JAK1: variants seen among roughly 807,000 people sequenced by gnomAD.
The protein encoded by JAK1 is Janus kinase 1, also known as tyrosine-protein kinase JAK1.
A neutral mutation model predicts 136.6 loss-of-function variants in JAK1; 16 were observed. That is an observed-to-expected ratio of 0.12 (90% CI 0.08 to 0.18). The LOEUF (loss-of-function observed/expected upper bound fraction) is 0.18. Among genes scored for constraint, JAK1 ranks in the 10% least tolerant of loss-of-function variants. The pLI is 1.00. For missense variants in JAK1, 859 were observed against 1,450.1 expected, an observed-to-expected ratio of 0.59 and a Z score of 6.62; for synonymous variants, 492 against 519.5, an observed-to-expected ratio of 0.95 and a Z score of 0.72.
At chr1:65,007,322 T>G (rs1646811602) in intron 2 of JAK1, among the ~76,000 whole-genome samples, 1 of 152,214 alleles carries the variant, frequency 6.6e-6, no homozygotes, top group African/African-American at 2.4e-5. Context: ...TCTTGTTCTT[T>G]GTCAGGCAAC....
chr1:65,058,385 T>G (rs770191936), intron 1 of JAK1: 1 of 533,896 alleles, frequency 1.9e-6, no homozygotes, highest in Non-Finnish European at 3.8e-6. Context: ...TCTTTCACCT[T>G]CTTTCTTCCT....
chr1:64,950,915 T>C (rs182860177), intron 1 of JAK1, among the ~76,000 whole-genome samples: 37 of 152,346 alleles, frequency 2.4e-4, no homozygotes, highest in Non-Finnish European at 1.3e-4. Flanking sequence ...AACACTCTGA[T>C]TCCTTTATTT....
intron 1 of JAK1, among the ~76,000 whole-genome samples, chr1:65,052,167 C>T (rs1243222087): frequency 1.4e-5 from 2 of 138,092 alleles, no homozygotes; most frequent in African/African-American, 2.7e-5. Flanking sequence ...CTTTGTTGCT[C>T]AGGCTGGTCT....
intron 1 of JAK1, among the ~76,000 whole-genome samples, chr1:65,048,000 C>T (rs995139755): frequency 1.3e-5 from 2 of 152,068 alleles, no homozygotes; most frequent in South Asian, 4.1e-4. Flanking sequence ...TCTGAGCCCA[C>T]GGACCTACAG....
At chr1:65,006,465 G>A (rs561857260) in intron 2 of JAK1, among the ~76,000 whole-genome samples, 18 of 152,148 alleles carry the variant, frequency 1.2e-4, no homozygotes, top group African/African-American at 4.1e-4. Flanking sequence ...TCAAGGGATC[G>A]TCCTGCCTCA....
chr1:64,875,157 C>T (rs1372098212), intron 4 of JAK1, among the ~76,000 whole-genome samples: 1 of 152,256 alleles, frequency 6.6e-6, no homozygotes, highest in Non-Finnish European at 1.5e-5. Context: ...GGACATATGA[C>T]AGTCTCTGGC....
At chr1:64,849,618 G>A (rs924409486) in intron 12 of JAK1, among the ~76,000 whole-genome samples, 1 of 152,232 alleles carries the variant, frequency 6.6e-6, no homozygotes, top group Non-Finnish European at 1.5e-5. Context: ...TTGCTAACGT[G>A]ATTACCCCCT....
At chr1:64,940,320 C>CA in intron 1 of JAK1, among the ~76,000 whole-genome samples, 1 of 140,412 alleles carries the variant, frequency 7.1e-6, no homozygotes, top group East Asian at 2.1e-4. Flanking sequence ...ATTTCAATTT[C>CA]TTTTTTTTTT....
Position 64,841,613 on chromosome 1 carries a change from AG to A in JAK1, c.2404-13del. ...TAGAATCTCTCTTTCTGTAAACAAG[AG>A]GGGCACATGGAAGAAACCAAAGGAA... On this transcript the variant is annotated splice_polypyrimidine_tract_variant and intron_variant, in intron 17 of 24. Transcript: ENST00000342505. 6.2e-7 allele frequency: 1 copy of A among 1,613,358 alleles called. No homozygotes were observed.
intron 1 of JAK1, among the ~76,000 whole-genome samples, chr1:64,889,841 A>G (rs1644909140): frequency 6.6e-6 from 1 of 152,262 alleles, no homozygotes; most frequent in Admixed American, 6.5e-5. Context: ...ATGTTCATAA[A>G]TATGATCATC....
At chr1:64,997,477 G>A (rs1266974712) in intron 2 of JAK1, among the ~76,000 whole-genome samples, 1 of 152,122 alleles carries the variant, frequency 6.6e-6, no homozygotes, top group African/African-American at 2.4e-5. Flanking sequence ...AAGAAGGGGT[G>A]ACAAATTACT....
At chr1:65,053,693 T>A (rs1008568088) in intron 1 of JAK1, among the ~76,000 whole-genome samples, 5 of 151,810 alleles carry the variant, frequency 3.3e-5, no homozygotes, top group Admixed American at 2.6e-4. Context: ...TACAAAAAAA[T>A]TTTTGAAAAA....
intron 4 of JAK1, among the ~76,000 whole-genome samples, chr1:64,875,353 C>T (rs1483722178): frequency 6.6e-6 from 1 of 152,198 alleles, no homozygotes; most frequent in Non-Finnish European, 1.5e-5. Context: ...GGGAGGGAAG[C>T]CCCATGGAAG....
intron 1 of JAK1, among the ~76,000 whole-genome samples, chr1:64,887,685 G>A (rs1309261416): frequency 6.6e-6 from 1 of 152,146 alleles, no homozygotes; most frequent in Non-Finnish European, 1.5e-5. Context: ...AAAATAGAGG[G>A]AATGTGATCT....
At chr1:64,953,058 T>C (rs559462529) in intron 1 of JAK1, among the ~76,000 whole-genome samples, 2 of 152,208 alleles carry the variant, frequency 1.3e-5, no homozygotes, top group African/African-American at 2.4e-5. Flanking sequence ...GATGTTTCTG[T>C]AGTGGGAAGC....
intron 1 of JAK1, among the ~76,000 whole-genome samples, chr1:64,900,268 A>G (rs1645084481): frequency 6.6e-6 from 1 of 152,240 alleles, no homozygotes; most frequent in African/African-American, 2.4e-5. Context: ...CTATGACTTC[A>G]GAGGACAAAG....
At chr1:64,999,901 T>C (rs1646737988) in intron 2 of JAK1, among the ~76,000 whole-genome samples, 1 of 152,142 alleles carries the variant, frequency 6.6e-6, no homozygotes, top group African/African-American at 2.4e-5. Flanking sequence ...TTCTGGCATG[T>C]CTGGCATGTG....
intron 2 of JAK1, chr1:64,985,582 A>T: frequency 1.9e-6 from 2 of 1,045,804 alleles, no homozygotes; most frequent in Non-Finnish European, 2.9e-6. Flanking sequence ...TCCAGATCAA[A>T]GATCTGGGCC....
chr1:65,065,443 A>C (rs901893301), intron 1 of JAK1, among the ~76,000 whole-genome samples: 1 of 152,178 alleles, frequency 6.6e-6, no homozygotes, highest in Admixed American at 6.5e-5. Flanking sequence ...TGTAAGGAAC[A>C]GAGGGTGACA....
Sources: allele counts gnomAD v4.1 joint callset (sites outside exome capture counted in the v4.1 genomes callset), GRCh38; gene constraint gnomAD v4.1.1; transcripts MANE v1.5; gene names NCBI Gene and HGNC (gene_info 2026-07-23, HGNC 2026-07-21).